The following LSAMP variants were observed in gnomAD, a reference collection of about 807,000 sequenced individuals.
LSAMP encodes the protein limbic system-associated membrane protein.
LSAMP carries 7 observed loss-of-function variants against 38.6 expected under a neutral mutation model. The ratio of observed to expected loss-of-function variants is 0.18; its 90% CI spans 0.10 to 0.34. The LOEUF (loss-of-function observed/expected upper bound fraction) is 0.34. Among genes scored for constraint, LSAMP ranks in the 10% least tolerant of loss-of-function variants. The pLI is 1.00. For missense variants in LSAMP, 313 were observed against 420.0 expected (o/e 0.75, Z 2.23); for synonymous variants, 154 against 166.8 (o/e 0.92, Z 0.59).
Position 115,998,103 on chromosome 3 carries a change from C to T in LSAMP, c.514+21412G>A, listed in dbSNP as rs896225458. Among the ~76,000 whole-genome samples, 12 of 143,254 alleles carry T rather than the reference C, an allele frequency of 8.4e-5. 1 individual carries two copies. The highest frequency in any genetic ancestry group is 1.6e-4 in the African/African-American group (6 of 37,792). 94.0% of individuals were successfully genotyped at this position (143,254 alleles called of 152,430 possible). ...AAAAATGTCTCCAGCCATTGACACACGTCTCCTGGGAGGCAAAATCATCCC... is the reference window on the plus strand; with the variant it reads ...AAAAATGTCTCCAGCCATTGACACATGTCTCCTGGGAGGCAAAATCATCCC... On this transcript the variant is annotated intron_variant, in intron 3 of 6. Transcript: ENST00000490035.
chr3:116,042,741 T>C (rs1173875725), intron 2 of LSAMP, among the ~76,000 whole-genome samples: 1 of 152,132 alleles, frequency 6.6e-6, no homozygotes, highest in African/African-American at 2.4e-5. Context: ...TGAGCAGTTC[T>C]TAATCAAGTA....
intron 3 of LSAMP, among the ~76,000 whole-genome samples, chr3:115,866,108 A>G (rs1362956685): frequency 6.6e-6 from 1 of 152,142 alleles, no homozygotes; most frequent in African/African-American, 2.4e-5. Flanking sequence ...AAGTTAAGGA[A>G]CTTTCCCAAC....
chr3:115,965,504 G>A (rs1223860444), intron 3 of LSAMP, among the ~76,000 whole-genome samples: 1 of 150,542 alleles, frequency 6.6e-6, no homozygotes, highest in Non-Finnish European at 1.5e-5. Context: ...TAATAGAACA[G>A]ATTAATAAAT....
At chr3:116,056,085 A>G (rs1341113916) in intron 2 of LSAMP, among the ~76,000 whole-genome samples, 1 of 152,168 alleles carries the variant, frequency 6.6e-6, no homozygotes, top group African/African-American at 2.4e-5. Flanking sequence ...AAGGAAAGAC[A>G]TGGGTTTCAG....
chr3:116,179,086 A>G (rs1299223628), intron 1 of LSAMP, among the ~76,000 whole-genome samples: 1 of 152,084 alleles, frequency 6.6e-6, no homozygotes, highest in East Asian at 1.9e-4. Context: ...CTGCAGGATA[A>G]TCCCTATGAT....
chr3:116,219,927 C>A (rs1343123912), intron 1 of LSAMP, among the ~76,000 whole-genome samples: 1 of 152,142 alleles, frequency 6.6e-6, no homozygotes, highest in Non-Finnish European at 1.5e-5. Flanking sequence ...ATAATCCCAG[C>A]ACTTTGAGAG....
At chr3:116,193,432 T>TG (rs1188725248) in intron 1 of LSAMP, among the ~76,000 whole-genome samples, 1 of 152,190 alleles carries the variant, frequency 6.6e-6, no homozygotes, top group African/African-American at 2.4e-5. Flanking sequence ...AAAAAGCATT[T>TG]GTTTTTGAAA....
intron 3 of LSAMP, among the ~76,000 whole-genome samples, chr3:115,891,823 G>A (rs567971628): frequency 1.3e-5 from 2 of 152,050 alleles, no homozygotes; most frequent in African/African-American, 4.8e-5. Flanking sequence ...GGTAGTAGGT[G>A]GCATTTTAGT....
Position 116,068,516 on chromosome 3 carries a change from A to G in LSAMP, c.388+17808T>C, listed in dbSNP as rs112576660. On this transcript the variant is annotated intron_variant, in intron 2 of 6. Coordinates refer to ENST00000490035, the MANE Select transcript of LSAMP (RefSeq NM_002338.5). Reference sequence around the variant, plus strand: ...AGAAAACTGATGTATTTTCTTTAGAAAAAGTACTCAATGATTATCAGTTGG... The same window carrying G: ...AGAAAACTGATGTATTTTCTTTAGAGAAAGTACTCAATGATTATCAGTTGG... 3.5e-3 allele frequency among the ~76,000 whole-genome samples: 532 copies of G among 152,376 alleles called. 8 individuals are homozygous for G. Among genetic ancestry groups the G allele is most frequent in the African/African-American group, 0.012 (495 of 41,592 alleles).
At chr3:116,121,884 G>T (rs967439912) in intron 1 of LSAMP, among the ~76,000 whole-genome samples, 3 of 122,204 alleles carry the variant, frequency 2.5e-5, no homozygotes, top group African/African-American at 3.5e-5. Context: ...ATTTTTTTGT[G>T]ATTTTTTTTT....
At chr3:116,060,318 C>A (rs1318070513) in intron 2 of LSAMP, among the ~76,000 whole-genome samples, 1 of 151,660 alleles carries the variant, frequency 6.6e-6, no homozygotes, top group Non-Finnish European at 1.5e-5. Flanking sequence ...ATCAAATATA[C>A]CTTAAAGAGG....
intron 1 of LSAMP, among the ~76,000 whole-genome samples, chr3:116,101,760 A>C (rs1374637875): frequency 6.6e-6 from 1 of 152,182 alleles, no homozygotes; most frequent in African/African-American, 2.4e-5. Context: ...AATTCTAAAA[A>C]TATGCTTAAG....
chr3:116,190,752 A>G (rs551508665), intron 1 of LSAMP, among the ~76,000 whole-genome samples: 1 of 152,330 alleles, frequency 6.6e-6, no homozygotes, highest in South Asian at 2.1e-4. Flanking sequence ...TTGGTGCTAG[A>G]CAATGGAGAA....
At chr3:115,847,681 C>A (rs1365671127) in intron 4 of LSAMP, among the ~76,000 whole-genome samples, 2 of 152,200 alleles carry the variant, frequency 1.3e-5, no homozygotes, top group Admixed American at 1.3e-4. Context: ...GTAGTTCCTC[C>A]TGCACTCATT....
At chr3:115,873,491 T>G (rs950473033) in intron 3 of LSAMP, among the ~76,000 whole-genome samples, 3 of 150,846 alleles carry the variant, frequency 2.0e-5, no homozygotes, top group African/African-American at 7.3e-5. Flanking sequence ...ATCTAGAAAA[T>G]AAGAGAAAAA....
intron 1 of LSAMP, among the ~76,000 whole-genome samples, chr3:116,276,828 T>TAGAC (rs1204930173): frequency 6.6e-6 from 1 of 152,102 alleles, no homozygotes; most frequent in Non-Finnish European, 1.5e-5. Flanking sequence ...GAGAGCATCC[T>TAGAC]AGACAACCTG....
At chr3:116,030,772 C>T (rs1279074164) in intron 2 of LSAMP, among the ~76,000 whole-genome samples, 1 of 152,028 alleles carries the variant, frequency 6.6e-6, no homozygotes, top group East Asian at 1.9e-4. Context: ...GTGTACTTTT[C>T]CCCTTTATAC....
chr3:116,241,459 G>A (rs1385262434), intron 1 of LSAMP, among the ~76,000 whole-genome samples: 3 of 151,868 alleles, frequency 2.0e-5, no homozygotes, highest in Admixed American at 6.6e-5. Context: ...CCAGCTACTC[G>A]GGAGGGTGAG....
At chr3:116,349,437 C>T (rs566340524) in intron 1 of LSAMP, among the ~76,000 whole-genome samples, 12 of 150,850 alleles carry the variant, frequency 8.0e-5, no homozygotes, top group African/African-American at 2.9e-4. Flanking sequence ...TATCATCATA[C>T]TTTAAATTAA....
Sources: gnomAD v4.1 joint callset for allele counts (sites outside exome capture counted in the v4.1 genomes callset) on GRCh38, gnomAD v4.1.1 for gene constraint, MANE v1.5 for transcripts, NCBI Gene and HGNC (gene_info 2026-07-23, HGNC 2026-07-21) for gene names.